RBBP4: variants seen among roughly 807,000 people sequenced by gnomAD.
RBBP4 encodes the protein RB binding protein 4, chromatin remodeling factor.
Under a neutral mutation model 57.2 loss-of-function variants are expected in RBBP4, and 3 were observed. The ratio of observed to expected loss-of-function variants is 0.05; its 90% CI spans 0.02 to 0.14. RBBP4 has a LOEUF of 0.14. RBBP4 is among the 10% of genes least tolerant of loss of function. The probability of loss-of-function intolerance (pLI) is 1.00; values close to 1 mark genes in which losing one functional copy is unlikely to be tolerated. For synonymous variants in RBBP4, 151 were observed against 171.5 expected (o/e 0.88, Z 0.93); for missense variants, 107 against 520.6 (o/e 0.21, Z 7.73).
At chr1:32,653,293 CAT>C (rs1242122861) in intron 2 of RBBP4, among the ~76,000 whole-genome samples, 4 of 152,210 alleles carry the variant, frequency 2.6e-5, no homozygotes, top group Non-Finnish European at 5.9e-5. Flanking sequence ...ATGATATTAA[CAT>C]AGTTTTAACA....
intron 2 of RBBP4, among the ~76,000 whole-genome samples, chr1:32,653,685 A>T (rs1648008445): frequency 9.9e-6 from 1 of 100,630 alleles, no homozygotes; most frequent in Non-Finnish European, 1.8e-5. Flanking sequence ...TTTGAGACGG[A>T]GTCTCCTCTC....
chr1:32,658,207 T>G (rs1648227622), intron 3 of RBBP4, among the ~76,000 whole-genome samples: 1 of 152,072 alleles, frequency 6.6e-6, no homozygotes, highest in Admixed American at 6.6e-5. Context: ...AGGTGAAAAT[T>G]GGTTTGTGTA....
intron 3 of RBBP4, among the ~76,000 whole-genome samples, chr1:32,659,000 A>G (rs1648274670): frequency 6.8e-6 from 1 of 147,858 alleles, no homozygotes; most frequent in East Asian, 1.9e-4. Flanking sequence ...TATTGTGTGT[A>G]AAATATAGTT....
At chr1:32,652,183 AT>A in intron 2 of RBBP4, 122 bp downstream of exon 2, 2 of 1,204,292 alleles carry the variant, frequency 1.7e-6, no homozygotes, top group Non-Finnish European at 2.3e-6. Flanking sequence ...TCTTGGTGAC[AT>A]TTTTTCTAGG....
intron 11 of RBBP4, 24 bp downstream of exon 11, chr1:32,672,925 G>T: frequency 6.5e-7 from 1 of 1,539,986 alleles, no homozygotes; most frequent in South Asian, 1.1e-5. Context: ...AATTTATTTT[G>T]GGGAGGTGAA....
Position 32,680,081 on chromosome 1 carries a change from A to G in RBBP4, c.*376A>G. 2 of 1,068,838 alleles carry G rather than the reference A, an allele frequency of 1.9e-6. No individual in the cohort carries two copies. Among genetic ancestry groups the G allele is most frequent in the South Asian group, 3.5e-5 (1 of 28,208 alleles). 66.2% of individuals were successfully genotyped at this position (1,068,838 alleles called of 1,614,324 possible). A position where few individuals can be genotyped will look rare whatever the true frequency, so the allele number is the denominator to read the frequency against. ...GCCAAATGAGGTAGGTGTCTGAGCC[A>G]TGAAGTATAAATACTGAAAGATGTC... is the stretch of plus-strand genomic sequence containing the variant. On this transcript the variant is annotated 3_prime_UTR_variant, in exon 12 of 12. Transcript: ENST00000373493.
intron 3 of RBBP4, among the ~76,000 whole-genome samples, chr1:32,665,091 T>C (rs534439573): frequency 2.6e-4 from 40 of 152,242 alleles, no homozygotes; most frequent in Admixed American, 7.9e-4. Flanking sequence ...AAAAAACTTA[T>C]GTGTGACGCA....
intron 3 of RBBP4, among the ~76,000 whole-genome samples, chr1:32,666,562 G>A (rs577875829): frequency 1.1e-4 from 16 of 152,050 alleles, no homozygotes; most frequent in African/African-American, 2.2e-4. Flanking sequence ...TTACCATATC[G>A]GTCAGGCTGG....
At chr1:32,656,211 A>G (rs1440326703) in intron 2 of RBBP4, among the ~76,000 whole-genome samples, 1 of 151,928 alleles carries the variant, frequency 6.6e-6, no homozygotes, top group African/African-American at 2.4e-5. Context: ...CTTTTTTGAG[A>G]CAGGAAGTAG....
Position 32,679,627 on chromosome 1 carries a change from T to C in RBBP4, c.1213-13T>C. On this transcript the variant is annotated splice_polypyrimidine_tract_variant and intron_variant, in intron 11 of 11. Coordinates refer to ENST00000373493, the MANE Select transcript of RBBP4 (RefSeq NM_005610.3). ...GTCTTCATGTTTAAATTCTTTTTCTTGTTTTTGGGCAGGCAGAGAACATTT... is the reference window on the plus strand; with the variant it reads ...GTCTTCATGTTTAAATTCTTTTTCTCGTTTTTGGGCAGGCAGAGAACATTT... 6.4e-7 allele frequency: 1 copy of C among 1,563,874 alleles called. No individual in the cohort carries two copies. The highest frequency in any genetic ancestry group is 8.6e-7 in the Non-Finnish European group (1 of 1,163,320).
rs566915379 is a variant in RBBP4, at chr1:32,676,413, T to C, written c.1213-3227T>C. ...TGAGGTCAGTAGTTTGAGACCAGCCTGGTCAACATAGTGAAACCCCATCTC... is the reference window on the plus strand; with the variant it reads ...TGAGGTCAGTAGTTTGAGACCAGCCCGGTCAACATAGTGAAACCCCATCTC... On this transcript the variant is annotated intron_variant, in intron 11 of 11. Transcript: ENST00000373493. Among the ~76,000 whole-genome samples, 12 of 152,138 alleles carry C rather than the reference T, an allele frequency of 7.9e-5. No homozygotes were observed. In the East Asian group the frequency reaches 9.7e-4, roughly 12 times the overall value.
At chr1:32,678,567 CTTTTTTTTTTTTTTTTTTTTTTTT>C (rs558897341) in intron 11 of RBBP4, among the ~76,000 whole-genome samples, 3 of 43,620 alleles carry the variant, frequency 6.9e-5, no homozygotes, top group Non-Finnish European at 1.2e-4. Flanking sequence ...TATGTGACAG[CTTTTTTTTTTTTTTTTTTTTTTTT>C]TTTTTTTTTT....
intron 2 of RBBP4, 106 bp from the exon 3 acceptor site, chr1:32,657,321 T>C: frequency 8.9e-7 from 1 of 1,120,828 alleles, no homozygotes; most frequent in South Asian, 1.6e-5. Flanking sequence ...TTTTCCCCTC[T>C]CTTAAAACCT....
At position 32,669,422 on chromosome 1, in the gene RBBP4, TTTAC is replaced by T. The variant is rs531711736; in HGVS notation, c.889-59_889-56del. 1.1e-4 allele frequency: 176 copies of T among 1,570,628 alleles called. 1 individual carries two copies. The South Asian group carries it at 2.0e-3, about 17-fold the overall frequency. On this transcript the variant is annotated intron_variant, in intron 7 of 11. Coordinates refer to ENST00000373493, the MANE Select transcript of RBBP4 (RefSeq NM_005610.3). The surrounding 1 kb of genome is among the most constrained non-coding windows in gnomAD (Gnocchi z 4.9). ...AGGTTTTTTTGAATTGCAGAGATATTTTACTTACAGTATTTTTTTTTTCTTAAAA... is the reference window on the plus strand; with the variant it reads ...AGGTTTTTTTGAATTGCAGAGATATTTTACAGTATTTTTTTTTTCTTAAAA...
intron 2 of RBBP4, among the ~76,000 whole-genome samples, chr1:32,653,013 GC>G (rs1303634000): frequency 6.6e-6 from 1 of 152,178 alleles, no homozygotes; most frequent in African/African-American, 2.4e-5. Context: ...AGGTGGAATG[GC>G]TTTCTTATAA....
At chr1:32,651,398 G>A in intron 1 of RBBP4, 76 bp downstream of exon 1, 1 of 1,395,734 alleles carries the variant, frequency 7.2e-7, no homozygotes, top group South Asian at 1.7e-5. Flanking sequence ...GCCTAACAGT[G>A]AGGGCAGGCC....
At chr1:32,673,974 G>A (rs991212437) in intron 11 of RBBP4, among the ~76,000 whole-genome samples, 1 of 152,004 alleles carries the variant, frequency 6.6e-6, no homozygotes, top group East Asian at 2.0e-4. Context: ...GGTGGCGGGC[G>A]CCTGTAGTCC....
rs1285270077 is a variant in RBBP4, at chr1:32,681,918, G to T, written c.*2213G>T. The T allele has an allele frequency of 2.0e-6, 3 of 1,477,536 alleles. No individual in the cohort carries two copies. The highest frequency in any genetic ancestry group is 2.8e-6 in the Non-Finnish European group (3 of 1,056,430). 91.5% of individuals were successfully genotyped at this position (1,477,536 alleles called of 1,614,324 possible). ...GAACTTCTGAGGTTTAGTTACTGCA[G>T]GCTTTGTTGAGAAGAGATTGTTACA... On this transcript the variant is annotated 3_prime_UTR_variant, in exon 12 of 12. Transcript: ENST00000373493.
intron 2 of RBBP4, 81 bp from the exon 3 acceptor site, chr1:32,657,346 C>G (rs1648189627): frequency 7.3e-7 from 1 of 1,375,762 alleles, no homozygotes; most frequent in African/African-American, 1.5e-5. Context: ...GTATTAGTGA[C>G]TTTGACATAC....
Sources: allele counts gnomAD v4.1 joint callset (sites outside exome capture counted in the v4.1 genomes callset), GRCh38; gene constraint gnomAD v4.1.1; non-coding constraint Gnocchi (gnomAD v3.1); transcripts MANE v1.5; gene names NCBI Gene and HGNC (gene_info 2026-07-23, HGNC 2026-07-21).